DRD3: variants seen among roughly 807,000 people sequenced by gnomAD.
DRD3 encodes dopamine receptor D3.
A neutral mutation model predicts 36.3 loss-of-function variants in DRD3; 19 were observed. The observed-to-expected ratio is 0.52, with a 90% CI of 0.36 to 0.77. The LOEUF (loss-of-function observed/expected upper bound fraction) is 0.77, where lower values mean the gene tolerates loss of function less well. Ranked by LOEUF, DRD3 falls within the 30% of genes least tolerant of loss-of-function variation. DRD3 has a pLI of 0.00. For missense variants in DRD3, 465 were observed against 505.3 expected, an observed-to-expected ratio of 0.92 and a Z score of 0.77; for synonymous variants, 195 against 203.7, an observed-to-expected ratio of 0.96 and a Z score of 0.36.
chr3:114,148,750 T>A (rs2077591045), intron 3 of DRD3, among the ~76,000 whole-genome samples: 1 of 152,198 alleles, frequency 6.6e-6, no homozygotes, highest in Admixed American at 6.5e-5. Context: ...TCTCAGTCTG[T>A]CGCCCAGGCT....
intron 3 of DRD3, among the ~76,000 whole-genome samples, chr3:114,155,616 T>C (rs1234924372): frequency 6.6e-6 from 1 of 152,168 alleles, no homozygotes; most frequent in Non-Finnish European, 1.5e-5. Context: ...CACCCTCTTC[T>C]GGCCAACTCT....
At chr3:114,167,394 A>C (rs1003354414) in intron 2 of DRD3, among the ~76,000 whole-genome samples, 1 of 152,232 alleles carries the variant, frequency 6.6e-6, no homozygotes, top group Non-Finnish European at 1.5e-5. Context: ...GGAAATTAAA[A>C]TCTTGAGAGG....
In DRD3 at chr3:114,171,940, T is replaced by C; in HGVS notation, c.53A>G (p.Glu18Gly). 3 of 1,583,778 alleles carry C rather than the reference T, an allele frequency of 1.9e-6. No individual in the cohort carries two copies. The highest frequency in any genetic ancestry group is 1.7e-6 in the Non-Finnish European group (2 of 1,164,096). ...GGCCTGGCTGGCACCTGTGGAGTTC[T>C]CTGCCCCACAGGTGTAGTTCAGGTG... ...SGHLNYTCGA[E>G]NSTGASQARP... The change falls in exon 2 of 7, where the codon GAG (glutamate) becomes GGG (glycine). Residue 18 changes from glutamate (E) to glycine (G), a missense_variant. Glu to Gly is a moderately conservative substitution (Grantham distance 98, BLOSUM62 -2). Coordinates refer to ENST00000383673, the MANE Select transcript of DRD3 (RefSeq NM_000796.6).
At chr3:114,189,643 A>C (rs1433255082) in intron 1 of DRD3, among the ~76,000 whole-genome samples, 12 of 152,324 alleles carry the variant, frequency 7.9e-5, no homozygotes, top group Admixed American at 5.9e-4. Context: ...TTTTTATGGA[A>C]AGTGAATGCA....
intron 5 of DRD3, among the ~76,000 whole-genome samples, chr3:114,134,625 G>C (rs2077459760): frequency 6.6e-6 from 1 of 151,826 alleles, no homozygotes; most frequent in East Asian, 1.9e-4. Context: ...TCACTATTTT[G>C]GCCAGGCTGG....
chr3:114,188,210 CTTTTTT>C (rs57147337), intron 1 of DRD3, among the ~76,000 whole-genome samples: 3 of 122,888 alleles, frequency 2.4e-5, no homozygotes, highest in African/African-American at 3.3e-5. Flanking sequence ...CTTTTTTTCC[CTTTTTT>C]TTTTTTTTTT....
At chr3:114,157,810 A>C (rs1268006967) in intron 3 of DRD3, among the ~76,000 whole-genome samples, 1 of 152,148 alleles carries the variant, frequency 6.6e-6, no homozygotes, top group Non-Finnish European at 1.5e-5. Context: ...TGTGTTTAAA[A>C]AAGAGGGGTA....
chr3:114,145,367 G>C (rs1577591769), intron 4 of DRD3, among the ~76,000 whole-genome samples: 1 of 152,262 alleles, frequency 6.6e-6, no homozygotes, highest in East Asian at 1.9e-4. Flanking sequence ...GCTTTGTACT[G>C]GGCAATGTGT....
upstream of DRD3, among the ~76,000 whole-genome samples, chr3:114,181,835 G>A (rs1207173527): frequency 6.6e-6 from 1 of 152,130 alleles, no homozygotes; most frequent in African/African-American, 2.4e-5. Flanking sequence ...GCTGTTCCAG[G>A]GAATGATACA....
intron 2 of DRD3, among the ~76,000 whole-genome samples, chr3:114,163,702 T>C (rs1347726298): frequency 6.6e-6 from 1 of 152,198 alleles, no homozygotes; most frequent in East Asian, 1.9e-4. Context: ...TCTGATACTT[T>C]GCTTGGGCGG....
chr3:114,185,324 G>A (rs2077969685), intron 1 of DRD3, among the ~76,000 whole-genome samples: 1 of 152,068 alleles, frequency 6.6e-6, no homozygotes, highest in Non-Finnish European at 1.5e-5. Flanking sequence ...TCCTCAGACT[G>A]ATAATTTTCA....
At chr3:114,130,970 G>C in intron 6 of DRD3, 148 bp downstream of exon 6, 1 of 1,108,612 alleles carries the variant, frequency 9.0e-7, no homozygotes, top group Non-Finnish European at 1.2e-6. Context: ...ACCAGAGTTA[G>C]CATTTATACA....
chr3:114,187,152 G>C (rs1238696415), intron 1 of DRD3, among the ~76,000 whole-genome samples: 1 of 152,208 alleles, frequency 6.6e-6, no homozygotes, highest in Admixed American at 6.5e-5. Flanking sequence ...TTCCATCAAA[G>C]AACAGGTCAT....
chr3:114,182,985 T>C (rs1447282703), upstream of DRD3, among the ~76,000 whole-genome samples: 1 of 152,222 alleles, frequency 6.6e-6, no homozygotes, highest in Non-Finnish European at 1.5e-5. Context: ...GAGATCCTGT[T>C]TTCAGCTCTT....
chr3:114,173,662 C>T (rs1349937788), intron 1 of DRD3, among the ~76,000 whole-genome samples: 1 of 152,156 alleles, frequency 6.6e-6, no homozygotes, highest in Non-Finnish European at 1.5e-5. Context: ...TGTATGATCA[C>T]ATTTTGTATG....
chr3:114,129,040 C>G, intron 6 of DRD3, 128 bp from the exon 7 acceptor site: 2 of 1,015,516 alleles, frequency 2.0e-6, no homozygotes, highest in Non-Finnish European at 2.8e-6. Context: ...TACCCACTTA[C>G]TTTTTTTTAT....
intron 6 of DRD3, 152 bp from the exon 7 acceptor site, chr3:114,129,064 C>T (rs947202042): frequency 8.3e-5 from 66 of 793,860 alleles, no homozygotes; most frequent in Non-Finnish European, 1.2e-4. Context: ...AACCCTAGGC[C>T]GGGTGTGGTG....
chr3:114,130,350 A>G (rs891446134), intron 6 of DRD3, among the ~76,000 whole-genome samples: 3 of 151,836 alleles, frequency 2.0e-5, no homozygotes, highest in Non-Finnish European at 4.4e-5. Context: ...AGCACCCACC[A>G]CTCAAAGACA....
At chr3:114,190,487 T>A (rs2078005515) in intron 1 of DRD3, among the ~76,000 whole-genome samples, 13 of 77,476 alleles carry the variant, frequency 1.7e-4, no homozygotes, top group Admixed American at 2.8e-4. Context: ...TTTTTTTTTT[T>A]TTTTTTTTTT....
Sources: gnomAD v4.1 joint callset for allele counts (sites outside exome capture counted in the v4.1 genomes callset) on GRCh38, gnomAD v4.1.1 for gene constraint, MANE v1.5 for transcripts, NCBI Gene and HGNC (gene_info 2026-07-23, HGNC 2026-07-21) for gene names.